The following INPP1 variants were observed in gnomAD, a reference collection of about 807,000 sequenced individuals.
The protein encoded by INPP1 is inositol polyphosphate-1-phosphatase.
INPP1 carries 18 observed loss-of-function variants against 23.0 expected under a neutral mutation model. That is an observed-to-expected ratio of 0.78 (90% confidence interval 0.54 to 1.16). The LOEUF (loss-of-function observed/expected upper bound fraction) is 1.16. Among genes scored for constraint, INPP1 ranks in the 50% most tolerant of loss-of-function variants. INPP1 has a pLI of 0.00. For missense variants in INPP1, 448 were observed against 482.1 expected (o/e 0.93, Z 0.66); for synonymous variants, 164 against 176.3 (o/e 0.93, Z 0.55).
In INPP1 at chr2:190,345,361, G is replaced by GA. The variant is rs1306579326; in HGVS notation, c.-209+1407dup. 2.3e-4 allele frequency: 35 copies of GA among 152,068 alleles called. No homozygotes were observed. Among genetic ancestry groups the GA allele is most frequent in the Admixed American group, 3.9e-4 (6 of 15,290 alleles). The allele number at this position is 152,068 out of a possible 1,614,324, so 9.4% of individuals were successfully genotyped here. On this transcript the variant is annotated intron_variant, in intron 1 of 6. Coordinates refer to ENST00000392329, the MANE Select transcript of INPP1 (RefSeq NM_001128928.2). The surrounding 1 kb of genome is among the most constrained non-coding windows in gnomAD (Gnocchi z 4.9). ...TTATAGCTTTCCTTGTTATAGTCCT[G>GA]AAAAAAATGAAAAGATAATTTCTTG... is the stretch of plus-strand genomic sequence containing the variant.
At chr2:190,366,933 C>CT (rs537492123) in intron 5 of INPP1, 38 bp downstream of exon 5, 212 of 1,415,258 alleles carry the variant, frequency 1.5e-4, no homozygotes, top group Middle Eastern at 8.9e-4. Context: ...TATTTGCAAT[C>CT]TTTTTTTTGG....
In INPP1 at chr2:190,371,418, G is replaced by A. The variant is rs774839534; in HGVS notation, c.*16G>A. On this transcript the variant is annotated 3_prime_UTR_variant, in exon 7 of 7. Coordinates refer to ENST00000392329, the MANE Select transcript of INPP1 (RefSeq NM_001128928.2). This position sits in a 1 kb window ranked among gnomAD's most constrained non-coding sequence, Gnocchi z 5.3. ...GCATACCTAGAGGAACTCTAACCCC[G>A]GTGTACCTGTATAAACTGAACTGTG... The A allele has an allele frequency of 1.5e-5, 23 of 1,506,476 alleles. No homozygotes were observed. The highest frequency in any genetic ancestry group is 1.1e-4 in the East Asian group (5 of 43,896). The allele number at this position is 1,506,476 out of a possible 1,614,324, so 93.3% of individuals were successfully genotyped here.
chr2:190,363,349 C>T lies in INPP1; in HGVS notation c.265+662C>T, dbSNP rs556552675. Among the ~76,000 whole-genome samples the T allele has an allele frequency of 8.9e-4, 136 of 152,278 alleles. 1 individual carries two copies. The highest frequency in any genetic ancestry group is 3.2e-3 in the African/African-American group (134 of 41,554). On this transcript the variant is annotated intron_variant, in intron 4 of 6. Transcript: ENST00000392329. This position sits in a 1 kb window ranked among gnomAD's most constrained non-coding sequence, Gnocchi z 4.4. ...CTGGATTCAAGCCATTCTCCTGCCT[C>T]ATCCTCCTGAGTGGCTGGGATTACA...
chr2:190,358,896 C>T (rs185792280), intron 2 of INPP1, among the ~76,000 whole-genome samples: 1 of 152,294 alleles, frequency 6.6e-6, no homozygotes, highest in Admixed American at 6.5e-5. Flanking sequence ...GGTAAAGGAG[C>T]AGCATAGATA....
intron 2 of INPP1, among the ~76,000 whole-genome samples, chr2:190,353,066 C>T (rs373064021): frequency 1.9e-4 from 29 of 152,266 alleles, no homozygotes; most frequent in Admixed American, 5.9e-4. Context: ...TGCTTTGACC[C>T]GCTTGCCTAT....
rs535324478 is a variant in INPP1, at chr2:190,370,774, G to A, written c.642-70G>A. The A allele has an allele frequency of 3.1e-5, 33 of 1,076,518 alleles. No homozygotes were observed. The African/African-American group carries it at 4.7e-4, about 15-fold the overall frequency. The allele number at this position is 1,076,518 out of a possible 1,614,324, so 66.7% of individuals were successfully genotyped here. A position where few individuals can be genotyped will look rare whatever the true frequency, so the allele number is the denominator to read the frequency against. ...ATTGTGTATTTCTTCGTATCATTAA[G>A]TTTGAAAGTGACATGAGTAATGAAA... On this transcript the variant is annotated intron_variant, in intron 6 of 6. Coordinates refer to ENST00000392329, the MANE Select transcript of INPP1 (RefSeq NM_001128928.2).
At chr2:190,364,874 G>C (rs1689613969) in intron 4 of INPP1, among the ~76,000 whole-genome samples, 1 of 151,898 alleles carries the variant, frequency 6.6e-6, no homozygotes, top group Admixed American at 6.6e-5. Flanking sequence ...AAAGTACTGG[G>C]ATTACAGGCA....
intron 2 of INPP1, 110 bp downstream of exon 2, chr2:190,349,141 T>C (rs1689279263): frequency 2.0e-5 from 3 of 152,194 alleles, no homozygotes; most frequent in Non-Finnish European, 2.9e-5. Flanking sequence ...ACATTCAAAA[T>C]AGATTGAAGA....
intron 4 of INPP1, among the ~76,000 whole-genome samples, chr2:190,366,259 CTCTT>C (rs1465514028): frequency 5.6e-5 from 8 of 143,430 alleles, no homozygotes; most frequent in Non-Finnish European, 1.1e-4. Flanking sequence ...TTCCCTCTGT[CTCTT>C]TCACTCTTCC....
chr2:190,369,280 A>T lies in INPP1; in HGVS notation c.641+3A>T. 6.4e-7 allele frequency: 1 copy of T among 1,555,418 alleles called. No homozygotes were observed. The highest frequency in any genetic ancestry group is 8.8e-7 in the Non-Finnish European group (1 of 1,139,640). The stretch of plus-strand genomic sequence containing the variant: ...TCACGAGATCCAAACACCCTCAGGT[A>T]AAAGGCAAATATTTTTGGTATATTA... On this transcript the variant is annotated splice_donor_region_variant and intron_variant, in intron 6 of 6. Coordinates refer to ENST00000392329, the MANE Select transcript of INPP1 (RefSeq NM_001128928.2).
chr2:190,362,670 A>G lies in INPP1; in HGVS notation c.248A>G (p.Glu83Gly). Residue 83 changes from glutamate (E) to glycine (G), a missense_variant, in exon 4 of 7, where the codon GAG (glutamate) becomes GGG (glycine). Physicochemically the swap from Glu to Gly is moderately conservative, Grantham distance 98 (BLOSUM62 -2). Coordinates refer to ENST00000392329, the MANE Select transcript of INPP1 (RefSeq NM_001128928.2). The stretch of plus-strand genomic sequence containing the variant: ...AATATTTTTGGAGAAGAATCCAATG[A>G]GTTTACTAATGACTGGGGTAAGTAT... ...EKNIFGEESN[E>G]FTNDWGEKIT... is the part of the protein sequence containing the mutation. 6.2e-7 allele frequency: 1 copy of G among 1,602,444 alleles called. No individual in the cohort carries two copies. Among genetic ancestry groups the G allele is most frequent in the Non-Finnish European group, 8.5e-7 (1 of 1,170,926 alleles).
rs750838250 is a variant in INPP1 at position 190,345,606 on chromosome 2, C to G, written c.-209+1645C>G. On this transcript the variant is annotated intron_variant, in intron 1 of 6. Coordinates refer to ENST00000392329, the MANE Select transcript of INPP1 (RefSeq NM_001128928.2). The surrounding 1 kb of genome is among the most constrained non-coding windows in gnomAD (Gnocchi z 4.9). The stretch of plus-strand genomic sequence containing the variant: ...GATGGTGTATATAAGCACTTTTTCC[C>G]GATGTGAGTCCTTATGAATGTTCTT... 6.6e-6 allele frequency: 1 copy of G among 152,118 alleles called. No individual in the cohort carries two copies. The highest frequency in any genetic ancestry group is 2.4e-5 in the African/African-American group (1 of 41,428). The allele number at this position is 152,118 out of a possible 1,614,324, so 9.4% of individuals were successfully genotyped here. A position where few individuals can be genotyped will look rare whatever the true frequency, so the allele number is the denominator to read the frequency against.
intron 1 of INPP1, among the ~76,000 whole-genome samples, chr2:190,347,478 CAG>C (rs1054821775): frequency 2.0e-5 from 3 of 151,980 alleles, no homozygotes; most frequent in African/African-American, 7.2e-5. Flanking sequence ...TGGAAAATGT[CAG>C]AATTTATTTT....
rs1402113759 is a variant in INPP1, at chr2:190,355,093, G to A, written c.-64-4946G>A. Among the ~76,000 whole-genome samples, 7 of 152,152 alleles carry A rather than the reference G, an allele frequency of 4.6e-5. No individual in the cohort carries two copies. The East Asian group carries it at 1.3e-3, about 29-fold the overall frequency. On this transcript the variant is annotated intron_variant, in intron 2 of 6. Coordinates refer to ENST00000392329, the MANE Select transcript of INPP1 (RefSeq NM_001128928.2). This position sits in a 1 kb window ranked among gnomAD's most constrained non-coding sequence, Gnocchi z 5.1. ...GCTAGAGTACTGGTCAACAGTGGGG[G>A]CTTCTGCCAGCTTGCCTAGGTTTGA...
At chr2:190,362,925 G>C (rs1281401630) in intron 4 of INPP1, 3 of 316,668 alleles carry the variant, frequency 9.5e-6, no homozygotes, top group African/African-American at 6.4e-5. Context: ...ATATAAATCT[G>C]TGGCATTTAA....
intron 4 of INPP1, among the ~76,000 whole-genome samples, chr2:190,366,277 CTCTCTCTCGCTCTCTG>C (rs1292753277): frequency 6.9e-6 from 1 of 145,816 alleles, no homozygotes; most frequent in Non-Finnish European, 1.5e-5. Flanking sequence ...CTCTTCCTGT[CTCTCTCTCGCTCTCTG>C]TCTCTCTCGC....
Position 190,371,027 on chromosome 2 carries a change from A to G in INPP1, c.825A>G (p.Ala275=), listed in dbSNP as rs1477822221. The change falls in exon 7 of 7, where the codon GCA becomes GCG. Residue 275 remains alanine, a synonymous_variant. Transcript: ENST00000392329. This position sits in a 1 kb window ranked among gnomAD's most constrained non-coding sequence, Gnocchi z 5.3. Reference sequence around the variant, plus strand: ...GTGAAAAGGAGACTATCAAAGCTGCATTGTCACGTGTGTGTGGAGATCGCA... The same window carrying G: ...GTGAAAAGGAGACTATCAAAGCTGCGTTGTCACGTGTGTGTGGAGATCGCA... ...STSEKETIKA[A]LSRVCGDRIF... 6.2e-7 allele frequency: 1 copy of G among 1,614,062 alleles called. No homozygotes were observed. The highest frequency in any genetic ancestry group is 2.2e-5 in the East Asian group (1 of 44,900).
rs1361281241 is a variant in INPP1, at chr2:190,368,963, G to A, written c.467-140G>A. On this transcript the variant is annotated intron_variant, in intron 5 of 6. Transcript: ENST00000392329. This position sits in a 1 kb window ranked among gnomAD's most constrained non-coding sequence, Gnocchi z 4.3. ...GCAATTTAAAAGTAAAGTACAAGAG[G>A]CCAAATAACAATTCAATACAGTGAC... 1 of 468,846 alleles carries A rather than the reference G, an allele frequency of 2.1e-6. No individual in the cohort carries two copies. The highest frequency in any genetic ancestry group is 3.7e-6 in the Non-Finnish European group (1 of 267,850). 29.0% of individuals were successfully genotyped at this position (468,846 alleles called of 1,614,324 possible). A position where few individuals can be genotyped will look rare whatever the true frequency, so the allele number is the denominator to read the frequency against.
At chr2:190,358,150 G>C (rs1689455816) in intron 2 of INPP1, among the ~76,000 whole-genome samples, 1 of 148,418 alleles carries the variant, frequency 6.7e-6, no homozygotes, top group South Asian at 2.1e-4. Flanking sequence ...CGTAATCTCG[G>C]CTCACTGCAA....
Sources: allele counts gnomAD v4.1 joint callset (sites outside exome capture counted in the v4.1 genomes callset), GRCh38; gene constraint gnomAD v4.1.1; non-coding constraint Gnocchi (gnomAD v3.1); transcripts MANE v1.5; gene names NCBI Gene and HGNC (gene_info 2026-07-23, HGNC 2026-07-21).